The following DLG2 variants were observed in gnomAD, a reference collection of about 807,000 sequenced individuals.
DLG2 encodes the protein disks large homolog 2.
Under a neutral mutation model 132.5 loss-of-function variants are expected in DLG2, and 45 were observed. That is an observed-to-expected ratio of 0.34 (90% CI 0.27 to 0.44). The LOEUF (loss-of-function observed/expected upper bound fraction) is 0.44. Ranked by LOEUF, DLG2 falls within the 20% of genes least tolerant of loss-of-function variation. The probability of loss-of-function intolerance (pLI) is 1.00; values close to 1 mark genes in which losing one functional copy is unlikely to be tolerated. For missense variants in DLG2, 1,045 were observed against 1,196.9 expected (o/e 0.87, Z 1.87); for synonymous variants, 424 against 419.6 (o/e 1.01, Z -0.13).
intron 8 of DLG2, among the ~76,000 whole-genome samples, chr11:84,243,019 A>C (rs11233961): frequency 0.64 from 71,671 of 112,390 alleles, 18,413 homozygotes; most frequent in Middle Eastern, 0.68. Context: ...CTCTCTCTCT[A>C]TATATATATA....
intron 3 of DLG2, among the ~76,000 whole-genome samples, chr11:85,476,916 C>A (rs2093160418): frequency 6.6e-6 from 1 of 152,068 alleles, no homozygotes; most frequent in Non-Finnish European, 1.5e-5. Context: ...ATACCTAAAC[C>A]AGTGACATGT....
At chr11:84,503,850 G>T (rs76155454) in intron 7 of DLG2, among the ~76,000 whole-genome samples, 1 of 152,258 alleles carries the variant, frequency 6.6e-6, no homozygotes, top group African/African-American at 2.4e-5. Context: ...TAACAGATTT[G>T]AATGACGACT....
chr11:83,460,049 T>C (rs1337351663), intron 27 of DLG2, 125 bp from the exon 28 acceptor site: 5 of 564,838 alleles, frequency 8.9e-6, no homozygotes, highest in African/African-American at 7.5e-5. Context: ...TCATATCATT[T>C]TTCATTAGTA....
At chr11:85,168,884 T>C (rs532169176) in intron 4 of DLG2, among the ~76,000 whole-genome samples, 176 of 152,226 alleles carry the variant, frequency 1.2e-3, no homozygotes, top group African/African-American at 4.0e-3. Context: ...GGTATGCAAA[T>C]AATAAAAAAG....
intron 4 of DLG2, among the ~76,000 whole-genome samples, chr11:85,275,901 C>T (rs2077859588): frequency 6.6e-6 from 1 of 151,150 alleles, no homozygotes; most frequent in African/African-American, 2.4e-5. Flanking sequence ...AAATACGAAG[C>T]TCCCCAAGGG....
chr11:85,563,750 G>C (rs1156827241), intron 3 of DLG2, among the ~76,000 whole-genome samples: 2 of 151,914 alleles, frequency 1.3e-5, no homozygotes, highest in African/African-American at 4.8e-5. Context: ...TTCAGTCTGG[G>C]GCTACTACGA....
intron 18 of DLG2, among the ~76,000 whole-genome samples, chr11:83,755,053 T>A (rs2093590300): frequency 6.6e-6 from 1 of 151,420 alleles, no homozygotes; most frequent in Non-Finnish European, 1.5e-5. Flanking sequence ...AAATGAATGT[T>A]GCCTATCATT....
At chr11:83,974,788 C>T (rs2091949797) in intron 12 of DLG2, among the ~76,000 whole-genome samples, 2 of 152,030 alleles carry the variant, frequency 1.3e-5, no homozygotes, top group South Asian at 4.1e-4. Context: ...TAGGTAGAAT[C>T]AGTGCTAGGT....
At chr11:84,821,596 T>G (rs1208196375) in intron 6 of DLG2, among the ~76,000 whole-genome samples, 1 of 147,922 alleles carries the variant, frequency 6.8e-6, no homozygotes, top group Non-Finnish European at 1.5e-5. Context: ...AGCTCCTATG[T>G]ATAGTTTGCT....
At chr11:84,895,554 C>T (rs2090076192) in intron 6 of DLG2, among the ~76,000 whole-genome samples, 1 of 152,136 alleles carries the variant, frequency 6.6e-6, no homozygotes, top group South Asian at 2.1e-4. Flanking sequence ...ACATCTATGA[C>T]ATCATTTCAA....
chr11:84,554,518 G>A (rs2099408044), intron 6 of DLG2, among the ~76,000 whole-genome samples: 1 of 152,074 alleles, frequency 6.6e-6, no homozygotes, highest in Non-Finnish European at 1.5e-5. Context: ...AGGCCGAGGT[G>A]GGCAGATCAC....
At chr11:84,313,764 C>T (rs554190172) in intron 7 of DLG2, among the ~76,000 whole-genome samples, 2 of 152,198 alleles carry the variant, frequency 1.3e-5, no homozygotes, top group Admixed American at 6.5e-5. Context: ...CTCCACTGTT[C>T]TGTGCTGCTT....
chr11:83,941,847 A>T (rs2082737610), intron 14 of DLG2, among the ~76,000 whole-genome samples: 1 of 152,226 alleles, frequency 6.6e-6, no homozygotes, highest in South Asian at 2.1e-4. Context: ...AGTTGCTCAT[A>T]TTATACATAT....
intron 2 of DLG2, among the ~76,000 whole-genome samples, chr11:85,599,150 C>G (rs919912869): frequency 6.6e-6 from 1 of 152,050 alleles, no homozygotes; most frequent in Non-Finnish European, 1.5e-5. Flanking sequence ...CTTGAGGCCT[C>G]CCTCCCATGA....
At chr11:85,043,506 A>G (rs1412941411) in intron 6 of DLG2, among the ~76,000 whole-genome samples, 3 of 151,928 alleles carry the variant, frequency 2.0e-5, no homozygotes, top group African/African-American at 7.2e-5. Context: ...CATTATAAAT[A>G]CATAACAACA....
chr11:83,539,804 GA>G (rs775203210), intron 20 of DLG2, among the ~76,000 whole-genome samples: 1 of 152,104 alleles, frequency 6.6e-6, no homozygotes, highest in Non-Finnish European at 1.5e-5. Context: ...AAATAAGAGA[GA>G]AATAGCTAAT....
intron 5 of DLG2, among the ~76,000 whole-genome samples, chr11:85,132,571 A>G (rs1477484658): frequency 6.6e-6 from 1 of 152,196 alleles, no homozygotes; most frequent in African/African-American, 2.4e-5. Flanking sequence ...ACAAACATGC[A>G]ATATCACTTT....
At chr11:84,995,658 A>G (rs573846514) in intron 6 of DLG2, among the ~76,000 whole-genome samples, 1 of 152,296 alleles carries the variant, frequency 6.6e-6, no homozygotes, top group South Asian at 2.1e-4. Context: ...AACATTTGAG[A>G]GATTGTCTTA....
intron 3 of DLG2, among the ~76,000 whole-genome samples, chr11:85,550,039 C>T (rs1205234817): frequency 6.6e-6 from 1 of 152,170 alleles, no homozygotes; most frequent in Non-Finnish European, 1.5e-5. Context: ...TATGGAGTAG[C>T]CATTCTTTTA....
Sources: allele counts gnomAD v4.1 joint callset (sites outside exome capture counted in the v4.1 genomes callset), GRCh38; gene constraint gnomAD v4.1.1; transcripts MANE v1.5; gene names NCBI Gene and HGNC (gene_info 2026-07-23, HGNC 2026-07-21).